BORCS5: variants seen among roughly 807,000 people sequenced by gnomAD.
BORCS5 encodes the protein BLOC-1 related complex subunit 5, also known as BLOC-1-related complex subunit 5.
In BORCS5, 17 loss-of-function variants were observed where a neutral mutation model predicts 22.1. The observed-to-expected ratio is 0.77, with a 90% CI of 0.53 to 1.15. BORCS5 has a LOEUF of 1.15. Ranked by LOEUF, BORCS5 falls within the 50% of genes most tolerant of loss-of-function variation. The probability of loss-of-function intolerance (pLI) is 0.00; values close to 1 mark genes in which losing one functional copy is unlikely to be tolerated. For missense variants in BORCS5, 247 were observed against 253.2 expected (o/e 0.98, Z 0.17); for synonymous variants, 117 against 99.8 (o/e 1.17, Z -1.03).
chr12:12,432,084 G>C (rs1942444887), intron 2 of BORCS5, among the ~76,000 whole-genome samples: 2 of 152,106 alleles, frequency 1.3e-5, no homozygotes, highest in African/African-American at 4.8e-5. Context: ...GGCTTCCTGG[G>C]GTCTCTGCAG....
intron 2 of BORCS5, among the ~76,000 whole-genome samples, chr12:12,373,341 C>A (rs1863572456): frequency 6.6e-6 from 1 of 152,202 alleles, no homozygotes; most frequent in Non-Finnish European, 1.5e-5. Context: ...GTTGTAGCAG[C>A]CTGTACCGAC....
intron 2 of BORCS5, among the ~76,000 whole-genome samples, chr12:12,372,070 G>A (rs1217315253): frequency 4.6e-5 from 7 of 151,384 alleles, no homozygotes; most frequent in African/African-American, 1.7e-4. Context: ...AGGGAGTTTC[G>A]CCCTTGTCGC....
At chr12:12,373,981 CTTTTTT>C (rs926893487) in intron 2 of BORCS5, among the ~76,000 whole-genome samples, 3 of 89,798 alleles carry the variant, frequency 3.3e-5, no homozygotes, top group African/African-American at 1.5e-4. Context: ...AGAGAGTATT[CTTTTTT>C]TTTTTTTTTT....
At chr12:12,405,407 A>G (rs996633347) in intron 2 of BORCS5, among the ~76,000 whole-genome samples, 2 of 152,236 alleles carry the variant, frequency 1.3e-5, no homozygotes, top group Non-Finnish European at 2.9e-5. Context: ...CTCAAGGTGC[A>G]GTAATATTTC....
chr12:12,414,553 CG>C lies in BORCS5; in HGVS notation c.203-21069del, dbSNP rs1318769305. Among the ~76,000 whole-genome samples, 7 of 75,880 alleles carry C rather than the reference CG, an allele frequency of 9.2e-5. 1 individual carries two copies. Among genetic ancestry groups the C allele is most frequent in the Admixed American group, 1.1e-4 (1 of 9,480 alleles). 49.8% of individuals were successfully genotyped at this position (75,880 alleles called of 152,430 possible). A position where few individuals can be genotyped will look rare whatever the true frequency, so the allele number is the denominator to read the frequency against. On this transcript the variant is annotated intron_variant, in intron 2 of 3. Coordinates refer to ENST00000314565, the MANE Select transcript of BORCS5 (RefSeq NM_058169.6). Reference sequence around the variant, plus strand: ...CTCCCAGACTGGGCGGCTGGCCGGGCGGGGGGCTGACCCCCCCACCTCCCTC... The same window carrying C: ...CTCCCAGACTGGGCGGCTGGCCGGGCGGGGGCTGACCCCCCCACCTCCCTC...
intron 2 of BORCS5, among the ~76,000 whole-genome samples, chr12:12,420,803 C>G (rs987234479): frequency 4.1e-4 from 63 of 152,072 alleles, no homozygotes; most frequent in African/African-American, 1.5e-3. Context: ...GTATTTTATT[C>G]TCTTTGAAGC....
intron 2 of BORCS5, among the ~76,000 whole-genome samples, chr12:12,419,083 T>C (rs1942047027): frequency 6.6e-6 from 1 of 152,184 alleles, no homozygotes; most frequent in Non-Finnish European, 1.5e-5. Flanking sequence ...CTAGGGTACA[T>C]GTGCACAAAG....
At chr12:12,405,533 G>C (rs942165804) in intron 2 of BORCS5, among the ~76,000 whole-genome samples, 1 of 152,066 alleles carries the variant, frequency 6.6e-6, no homozygotes, top group East Asian at 1.9e-4. Context: ...ACTTAGTATA[G>C]GGGATTACCT....
At chr12:12,418,333 C>T (rs1039739880) in intron 2 of BORCS5, among the ~76,000 whole-genome samples, 12 of 151,966 alleles carry the variant, frequency 7.9e-5, no homozygotes, top group Admixed American at 1.3e-4. Context: ...CCACCACACC[C>T]GGCCTGAACC....
At chr12:12,460,946 A>G (rs116734080) in intron 3 of BORCS5, among the ~76,000 whole-genome samples, 1,770 of 152,320 alleles carry the variant, frequency 0.012, 31 homozygotes, top group African/African-American at 0.04. Context: ...CGCACCATCC[A>G]TATAAGGTAT....
chr12:12,465,983 A>T lies in BORCS5; in HGVS notation c.*207A>T. ...TTCCCGGTGTGGAAGGAACCTAACC[A>T]GTTCTCGGTGATAACTGAAGCTGGA... On this transcript the variant is annotated 3_prime_UTR_variant, in exon 4 of 4. Coordinates refer to ENST00000314565, the MANE Select transcript of BORCS5 (RefSeq NM_058169.6). The T allele has an allele frequency of 3.8e-6, 2 of 522,746 alleles. No individual in the cohort carries two copies. The highest frequency in any genetic ancestry group is 3.0e-5 in the South Asian group (1 of 33,430). The allele number at this position is 522,746 out of a possible 1,614,324, so 32.4% of individuals were successfully genotyped here.
chr12:12,357,361 C>G lies in BORCS5; in HGVS notation c.-91C>G, dbSNP rs936458689. Reference sequence around the variant, plus strand: ...GCGCCCAGACTCTGCTTTGCCTCCCCGTCCCGGTCCCTGGCCCCTGCCCTG... The same window carrying G: ...GCGCCCAGACTCTGCTTTGCCTCCCGGTCCCGGTCCCTGGCCCCTGCCCTG... On this transcript the variant is annotated 5_prime_UTR_variant, in exon 1 of 4. Transcript: ENST00000314565. The G allele has an allele frequency of 6.6e-7, 1 of 1,518,736 alleles. No individual in the cohort carries two copies. Among genetic ancestry groups the G allele is most frequent in the East Asian group, 2.4e-5 (1 of 41,462 alleles). The allele number at this position is 1,518,736 out of a possible 1,614,324, so 94.1% of individuals were successfully genotyped here. A position where few individuals can be genotyped will look rare whatever the true frequency, so the allele number is the denominator to read the frequency against.
intron 2 of BORCS5, among the ~76,000 whole-genome samples, chr12:12,370,755 C>CTT (rs761521462): frequency 1.6e-3 from 240 of 148,044 alleles, no homozygotes; most frequent in African/African-American, 5.5e-3. Flanking sequence ...TTCCTGTGTC[C>CTT]TTTTTTTTTT....
At chr12:12,436,651 A>G (rs1942561636) in intron 3 of BORCS5, among the ~76,000 whole-genome samples, 1 of 150,098 alleles carries the variant, frequency 6.7e-6, no homozygotes. Flanking sequence ...GAAGATGGAC[A>G]TGGAGAAACA....
intron 2 of BORCS5, among the ~76,000 whole-genome samples, chr12:12,422,618 T>G (rs1942163362): frequency 6.6e-6 from 1 of 151,230 alleles, no homozygotes; most frequent in Non-Finnish European, 1.5e-5. Context: ...AAAAAAAAAG[T>G]AAAAGAATAA....
chr12:12,405,162 A>T (rs1394049827), intron 2 of BORCS5, among the ~76,000 whole-genome samples: 3 of 152,236 alleles, frequency 2.0e-5, no homozygotes, highest in Non-Finnish European at 4.4e-5. Flanking sequence ...TGAGTTCCAG[A>T]GAGACAACCC....
chr12:12,369,366 G>C (rs551647618), intron 2 of BORCS5, among the ~76,000 whole-genome samples: 2 of 152,050 alleles, frequency 1.3e-5, no homozygotes, highest in African/African-American at 4.8e-5. Context: ...TCTTGCTTTT[G>C]TATTTAGGCT....
Position 12,379,344 on chromosome 12 carries a change from G to A in BORCS5, c.202+17995G>A, listed in dbSNP as rs542078767. 3.9e-4 allele frequency among the ~76,000 whole-genome samples: 59 copies of A among 151,142 alleles called. 1 individual carries two copies. The highest frequency in any genetic ancestry group is 6.7e-4 in the Non-Finnish European group (45 of 67,584). On this transcript the variant is annotated intron_variant, in intron 2 of 3. Coordinates refer to ENST00000314565, the MANE Select transcript of BORCS5 (RefSeq NM_058169.6). Reference sequence around the variant, plus strand: ...TAGCCGGGCTGGTCTTGAACTCCTGGCCTCAGGTGATCCGCCTGCCTCAGC... The same window carrying A: ...TAGCCGGGCTGGTCTTGAACTCCTGACCTCAGGTGATCCGCCTGCCTCAGC...
intron 2 of BORCS5, among the ~76,000 whole-genome samples, chr12:12,369,836 T>A (rs1863486083): frequency 6.7e-6 from 1 of 150,030 alleles, no homozygotes; most frequent in Non-Finnish European, 1.5e-5. Flanking sequence ...GTGATTCTTG[T>A]GCCTCAGCCT....
Sources: allele counts gnomAD v4.1 joint callset (sites outside exome capture counted in the v4.1 genomes callset), GRCh38; gene constraint gnomAD v4.1.1; transcripts MANE v1.5; gene names NCBI Gene and HGNC (gene_info 2026-07-23, HGNC 2026-07-21).